Variants in WBP2 observed in about 807,000 individuals in gnomAD.
WBP2 encodes WW domain-binding protein 2.
Under a neutral mutation model 33.0 loss-of-function variants are expected in WBP2, and 23 were observed. The ratio of observed to expected loss-of-function variants is 0.70; its 90% CI spans 0.50 to 0.99. The LOEUF (loss-of-function observed/expected upper bound fraction) is 0.99. Ranked by LOEUF, WBP2 falls within the 50% of genes least tolerant of loss-of-function variation. WBP2 has a pLI of 0.00. For missense variants in WBP2, 353 were observed against 358.0 expected (o/e 0.99, Z 0.11); for synonymous variants, 153 against 133.5 (o/e 1.15, Z -1.01).
intron 5 of WBP2, 79 bp downstream of exon 5, chr17:75,847,717 A>T (rs1567825619): frequency 7.7e-6 from 12 of 1,560,542 alleles, no homozygotes; most frequent in Non-Finnish European, 1.0e-5. Flanking sequence ...CAGCTCAAGG[A>T]ATAAAGTCTC....
chr17:75,851,421 CAG>C (rs1205178650), intron 2 of WBP2, 145 bp downstream of exon 2: 6 of 627,780 alleles, frequency 9.6e-6, no homozygotes, highest in South Asian at 1.7e-5. Flanking sequence ...GAGCATGTGA[CAG>C]AGAAACAGGC....
chr17:75,855,138 G>T, intron 1 of WBP2, 101 bp downstream of exon 1: 2 of 828,348 alleles, frequency 2.4e-6, no homozygotes, highest in Non-Finnish European at 3.6e-6. Context: ...CTCCATCAGT[G>T]CTCCCTCTTC....
intron 3 of WBP2, 133 bp from the exon 4 acceptor site, chr17:75,848,795 G>A: frequency 1.3e-6 from 1 of 745,990 alleles, no homozygotes; most frequent in Non-Finnish European, 2.3e-6. Context: ...ACTGTGATGG[G>A]GACTTCCTGG....
At chr17:75,848,136 A>T in intron 4 of WBP2, 1 of 691,604 alleles carries the variant, frequency 1.4e-6, no homozygotes, top group Non-Finnish European at 2.4e-6. Context: ...GAGCCAGGGG[A>T]AGGCAAGGGA....
chr17:75,846,505 G>A lies in WBP2; in HGVS notation c.*229C>T. 1 of 594,136 alleles carries A rather than the reference G, an allele frequency of 1.7e-6. No homozygotes were observed. The highest frequency in any genetic ancestry group is 3.0e-6 in the Non-Finnish European group (1 of 333,822). The allele number at this position is 594,136 out of a possible 1,614,324, so 36.8% of individuals were successfully genotyped here. A position where few individuals can be genotyped will look rare whatever the true frequency, so the allele number is the denominator to read the frequency against. On this transcript the variant is annotated 3_prime_UTR_variant, in exon 8 of 8. Transcript: ENST00000254806. The surrounding 1 kb of genome is among the most constrained non-coding windows in gnomAD (Gnocchi z 4.8). ...TCCCAGAAGAGCCCCAGACGGTGAG[G>A]GAGGTACGCTGGGCAGCACTGTGGG...
At chr17:75,855,359 G>GC, upstream of WBP2, 2 of 1,572,862 alleles carry the variant, frequency 1.3e-6, no homozygotes, top group South Asian at 2.2e-5. Flanking sequence ...TCTTCGCCCC[G>GC]CCCCTAGTGG....
At chr17:75,853,625 A>G (rs1291803288) in intron 1 of WBP2, among the ~76,000 whole-genome samples, 1 of 152,192 alleles carries the variant, frequency 6.6e-6, no homozygotes, top group Non-Finnish European at 1.5e-5. Flanking sequence ...AGATGCAACA[A>G]AACAGTGTGA....
At chr17:75,855,638 C>T (rs1030162796), upstream of WBP2, among the ~76,000 whole-genome samples, 9 of 152,222 alleles carry the variant, frequency 5.9e-5, no homozygotes, top group Admixed American at 3.9e-4. Flanking sequence ...CGGCTTGTGC[C>T]ATCCCCACCC....
chr17:75,849,944 C>T (rs763722621), intron 2 of WBP2, among the ~76,000 whole-genome samples: 12 of 152,184 alleles, frequency 7.9e-5, no homozygotes, highest in East Asian at 1.9e-4. Context: ...CTCACGCACA[C>T]GGGAGAAAAA....
chr17:75,847,011 G>A (rs370417526), intron 6 of WBP2, 27 bp from the exon 7 acceptor site: 21 of 1,613,368 alleles, frequency 1.3e-5, no homozygotes, highest in South Asian at 4.4e-5. Flanking sequence ...ACCTGGTGTC[G>A]GTGACAAGTT....
chr17:75,847,313 C>T, intron 6 of WBP2, 174 bp downstream of exon 6: 1 of 1,105,154 alleles, frequency 9.0e-7, no homozygotes, highest in Non-Finnish European at 1.3e-6. Context: ...GGGGGTGGGG[C>T]CAGAATCTAG....
intron 5 of WBP2, 35 bp from the exon 6 acceptor site, chr17:75,847,644 C>T (rs2065002279): frequency 1.2e-6 from 2 of 1,612,018 alleles, no homozygotes; most frequent in Non-Finnish European, 1.7e-6. Flanking sequence ...ACATGGTGAG[C>T]ACCCGGCTGC....
Position 75,855,298 on chromosome 17 carries a change from A to C in WBP2, c.-1T>G, listed in dbSNP as rs1378139908. On this transcript the variant is annotated 5_prime_UTR_variant, in exon 1 of 8. Coordinates refer to ENST00000254806, the MANE Select transcript of WBP2 (RefSeq NM_012478.4). Reference sequence around the variant, plus strand: ...CCGAGTGATTCTTGTTGAGCGCCATAGTCTCTCCAACAGGGGTCCCGAGAC... The same window carrying C: ...CCGAGTGATTCTTGTTGAGCGCCATCGTCTCTCCAACAGGGGTCCCGAGAC... The C allele has an allele frequency of 6.2e-7, 1 of 1,612,066 alleles. No individual in the cohort carries two copies. Among genetic ancestry groups the C allele is most frequent in the Admixed American group, 1.7e-5 (1 of 59,942 alleles).
Position 75,848,579 on chromosome 17 carries a change from C to T in WBP2, c.388G>A (p.Ala130Thr). 1.2e-6 allele frequency: 2 copies of T among 1,613,816 alleles called. No homozygotes were observed. Among genetic ancestry groups the T allele is most frequent in the South Asian group, 2.2e-5 (2 of 91,022 alleles). Residue 130 changes from alanine to threonine, a missense_variant, in exon 4 of 8, where the codon GCA (alanine) becomes ACA (threonine). Coordinates refer to ENST00000254806, the MANE Select transcript of WBP2 (RefSeq NM_012478.4). ...IEFGQRMLQV[A>T]SQASRGEVPS... ...TTCGGAGCCTGGATACCTTGAGATG[C>T]CACCTGGAGCATCCGCTGTCCGAAC...
At chr17:75,851,939 T>C (rs553836212) in intron 1 of WBP2, 50 of 245,888 alleles carry the variant, frequency 2.0e-4, no homozygotes, top group African/African-American at 1.0e-3. Context: ...CCATCTCTAC[T>C]AAAAATACAA....
intron 4 of WBP2, chr17:75,848,366 G>C: frequency 1.6e-6 from 1 of 606,656 alleles, no homozygotes. Flanking sequence ...ACCTGCCCCA[G>C]GCAGGGAAAC....
chr17:75,855,685 C>T (rs1449631603), upstream of WBP2, among the ~76,000 whole-genome samples: 4 of 152,256 alleles, frequency 2.6e-5, no homozygotes, highest in Non-Finnish European at 5.9e-5. Context: ...CAGTTCCGCT[C>T]CTGGCAGGGG....
At chr17:75,849,773 G>A (rs369310320) in intron 2 of WBP2, 34 bp from the exon 3 acceptor site, 5 of 1,610,304 alleles carry the variant, frequency 3.1e-6, no homozygotes, top group Non-Finnish European at 4.2e-6. Flanking sequence ...ATCAGTACTA[G>A]AAGCACAGCC....
upstream of WBP2, chr17:75,855,380 T>C: frequency 6.6e-7 from 1 of 1,523,638 alleles, no homozygotes; most frequent in Non-Finnish European, 9.0e-7. Context: ...CGTCTTCTTA[T>C]TAGAGTCAGC....
Sources: allele counts gnomAD v4.1 joint callset (sites outside exome capture counted in the v4.1 genomes callset), GRCh38; gene constraint gnomAD v4.1.1; non-coding constraint Gnocchi (gnomAD v3.1); transcripts MANE v1.5; gene names NCBI Gene and HGNC (gene_info 2026-07-23, HGNC 2026-07-21).